LGSN: variants seen among roughly 807,000 people sequenced by gnomAD.
The protein encoded by LGSN is lengsin, lens protein with glutamine synthetase domain.
A neutral mutation model predicts 19.5 loss-of-function variants in LGSN; 21 were observed. The observed-to-expected ratio is 1.07, with a 90% CI of 0.76 to 1.55. The LOEUF is 1.55. Ranked by LOEUF, LGSN falls within the 40% of genes most tolerant of loss-of-function variation. The pLI is 0.00. For missense variants in LGSN, 673 were observed against 608.5 expected (o/e 1.11, Z -1.12); for synonymous variants, 257 against 215.6 (o/e 1.19, Z -1.68).
At chr6:63,538,847 A>G in the LGSN span, among the ~76,000 whole-genome samples, 2 of 152,110 alleles carry the variant, frequency 1.3e-5, no homozygotes, top group African/African-American at 4.8e-5. Context: ...TGCTGATGAT[A>G]CTAGGTGTGG....
chr6:63,319,850 C>A (rs1177281674), intron 1 of LGSN, 64 bp downstream of exon 1: 2 of 1,158,014 alleles, frequency 1.7e-6, no homozygotes, highest in African/African-American at 3.0e-5. Context: ...AAATAATTGA[C>A]ATTTTTTAAA....
the LGSN span, among the ~76,000 whole-genome samples, chr6:63,523,169 T>C: frequency 6.6e-6 from 1 of 152,000 alleles, no homozygotes; most frequent in Non-Finnish European, 1.5e-5. Context: ...CCCAGCCGAA[T>C]CACTCTTTTA....
At chr6:63,325,491 G>C in the LGSN span, among the ~76,000 whole-genome samples, 2 of 152,108 alleles carry the variant, frequency 1.3e-5, no homozygotes, top group Admixed American at 6.6e-5. Context: ...AAAATCTAGA[G>C]GAAAAGGAGA....
the LGSN span, among the ~76,000 whole-genome samples, chr6:63,487,973 C>A: frequency 6.7e-6 from 1 of 148,462 alleles, no homozygotes; most frequent in Non-Finnish European, 1.5e-5. Flanking sequence ...GAGCAAGACC[C>A]CATCTCAAAA....
At chr6:63,448,906 TAAC>T in the LGSN span, among the ~76,000 whole-genome samples, 1 of 151,846 alleles carries the variant, frequency 6.6e-6, no homozygotes, top group Non-Finnish European at 1.5e-5. Flanking sequence ...AGAGAAAAAA[TAAC>T]AACATAACAA....
chr6:63,548,806 G>A, the LGSN span: 31 of 735,684 alleles, frequency 4.2e-5, no homozygotes, highest in African/African-American at 3.1e-4. Flanking sequence ...CCCCAGTGAC[G>A]GCGGATCTCA....
the LGSN span, among the ~76,000 whole-genome samples, chr6:63,328,077 C>T: frequency 6.6e-6 from 1 of 152,142 alleles, no homozygotes; most frequent in African/African-American, 2.4e-5. Context: ...ATTCTTTTTC[C>T]CTTTCCCAGT....
At chr6:63,559,435 A>T in the LGSN span, among the ~76,000 whole-genome samples, 3 of 152,168 alleles carry the variant, frequency 2.0e-5, no homozygotes, top group East Asian at 5.8e-4. Context: ...GCAGCAAAAA[A>T]AATCATTTGG....
intron 1 of LGSN, among the ~76,000 whole-genome samples, chr6:63,301,938 G>C (rs927276516): frequency 1.3e-5 from 2 of 152,082 alleles, no homozygotes; most frequent in Non-Finnish European, 2.9e-5. Flanking sequence ...TATTTTGATA[G>C]TGTTTAAAAC....
chr6:63,516,471 T>C, the LGSN span, among the ~76,000 whole-genome samples: 7,710 of 152,268 alleles, frequency 0.051, 675 homozygotes, highest in African/African-American at 0.18. Context: ...TTGAGAGCTC[T>C]GAAGTTTGAA....
intron 1 of LGSN, among the ~76,000 whole-genome samples, chr6:63,314,616 A>G (rs1365510555): frequency 6.6e-6 from 1 of 152,222 alleles, no homozygotes; most frequent in South Asian, 2.1e-4. Flanking sequence ...GCAGAATTTC[A>G]ATCTAAAACT....
chr6:63,474,008 A>T, the LGSN span, among the ~76,000 whole-genome samples: 3 of 151,474 alleles, frequency 2.0e-5, no homozygotes, highest in Non-Finnish European at 4.4e-5. Flanking sequence ...ATTCATTTAT[A>T]AATTGACTTG....
the LGSN span, among the ~76,000 whole-genome samples, chr6:63,344,731 G>A: frequency 6.6e-6 from 1 of 150,648 alleles, no homozygotes; most frequent in Non-Finnish European, 1.5e-5. Flanking sequence ...TATATAGAAA[G>A]ACAAGTAAAT....
At chr6:63,390,771 A>C in the LGSN span, among the ~76,000 whole-genome samples, 1 of 150,580 alleles carries the variant, frequency 6.6e-6, no homozygotes, top group Non-Finnish European at 1.5e-5. Context: ...AGGCAGGAGA[A>C]TGGCGTGAAC....
chr6:63,308,838 T>C (rs1221586916), intron 1 of LGSN, among the ~76,000 whole-genome samples: 3 of 152,198 alleles, frequency 2.0e-5, no homozygotes, highest in Non-Finnish European at 4.4e-5. Context: ...AGAATGTGCC[T>C]TCAGTTACCT....
chr6:63,315,564 C>T (rs777761593), intron 1 of LGSN, among the ~76,000 whole-genome samples: 1 of 151,212 alleles, frequency 6.6e-6, no homozygotes, highest in African/African-American at 2.4e-5. Context: ...ACTGAGAAAA[C>T]ATTATTTCTC....
At chr6:63,388,972 A>C in the LGSN span, among the ~76,000 whole-genome samples, 1 of 152,258 alleles carries the variant, frequency 6.6e-6, no homozygotes, top group South Asian at 2.1e-4. Context: ...AGCAGAATGC[A>C]CAGAAAGTAG....
At chr6:63,442,477 C>T in the LGSN span, among the ~76,000 whole-genome samples, 2 of 152,224 alleles carry the variant, frequency 1.3e-5, no homozygotes, top group East Asian at 3.9e-4. Flanking sequence ...TTTACAATCC[C>T]TGACCTAGAC....
the LGSN span, among the ~76,000 whole-genome samples, chr6:63,493,089 A>C: frequency 5.3e-5 from 8 of 152,082 alleles, no homozygotes; most frequent in Non-Finnish European, 7.4e-5. Flanking sequence ...TCTCTTCCTC[A>C]ACCCTTCCAG....
Sources: gnomAD v4.1 joint callset for allele counts (sites outside exome capture counted in the v4.1 genomes callset) on GRCh38, gnomAD v4.1.1 for gene constraint, MANE v1.5 for transcripts, NCBI Gene and HGNC (gene_info 2026-07-23, HGNC 2026-07-21) for gene names.